DAB1: variants seen among roughly 807,000 people sequenced by gnomAD.
DAB1 encodes the protein DAB adaptor protein 1.
A neutral mutation model predicts 64.6 loss-of-function variants in DAB1; 15 were observed. The observed-to-expected ratio is 0.23, with a 90% CI of 0.16 to 0.36. The LOEUF is 0.36. Among genes scored for constraint, DAB1 ranks in the 10% least tolerant of loss-of-function variants. The probability of loss-of-function intolerance (pLI) is 1.00; values close to 1 mark genes in which losing one functional copy is unlikely to be tolerated. For synonymous variants in DAB1, 235 were observed against 251.9 expected (o/e 0.93, Z 0.64); for missense variants, 596 against 706.7 (o/e 0.84, Z 1.78).
At chr1:58,243,050 C>A (rs887979899) in intron 4 of DAB1, among the ~76,000 whole-genome samples, 2 of 152,226 alleles carry the variant, frequency 1.3e-5, no homozygotes, top group African/African-American at 4.8e-5. Context: ...TCAAATTCTA[C>A]AAATTGACAA....
At chr1:57,378,653 A>T (rs1224304524) in intron 1 of DAB1, among the ~76,000 whole-genome samples, 1 of 152,196 alleles carries the variant, frequency 6.6e-6, no homozygotes, top group Non-Finnish European at 1.5e-5. Context: ...TTGTTTTCAC[A>T]CTTGGATGAT....
chr1:57,332,047 T>G (rs1676716980), intron 1 of DAB1, among the ~76,000 whole-genome samples: 1 of 152,192 alleles, frequency 6.6e-6, no homozygotes, highest in African/African-American at 2.4e-5. Flanking sequence ...CACTACAACC[T>G]CTGCCTCCCA....
chr1:57,152,259 A>G (rs1659759687), intron 2 of DAB1, among the ~76,000 whole-genome samples: 3 of 152,234 alleles, frequency 2.0e-5, no homozygotes, highest in Admixed American at 1.3e-4. Context: ...ACACTTTCCT[A>G]CTTGGCTCAG....
intron 5 of DAB1, among the ~76,000 whole-genome samples, chr1:57,947,518 C>T (rs1375472318): frequency 2.0e-5 from 3 of 152,162 alleles, no homozygotes; most frequent in Admixed American, 6.5e-5. Flanking sequence ...CAGCACTTCC[C>T]TCAGAAGTCA....
intron 1 of DAB1, among the ~76,000 whole-genome samples, chr1:57,364,369 G>C (rs1006385988): frequency 2.0e-4 from 30 of 152,068 alleles, no homozygotes; most frequent in Non-Finnish European, 4.1e-4. Flanking sequence ...TCAGACATGT[G>C]GTCTAGTCAC....
rs143639231 is a variant in DAB1, at chr1:58,146,984, C to G, written n.387+3527G>C. On this transcript the variant is annotated intron_variant and non_coding_transcript_variant, in intron 5 of 20. Transcript: ENST00000485760. ...GACAAGGATGTAGAGAGACGGGAACCCTTGTATGCTGTTGGTGGGAATGTA... is the reference window on the plus strand; with the variant it reads ...GACAAGGATGTAGAGAGACGGGAACGCTTGTATGCTGTTGGTGGGAATGTA... Among the ~76,000 whole-genome samples, 45 of 152,102 alleles carry G rather than the reference C, an allele frequency of 3.0e-4. No homozygotes were observed. The East Asian group carries it at 8.5e-3, about 29-fold the overall frequency.
At chr1:57,076,528 C>T (rs1652007504) in intron 4 of DAB1, among the ~76,000 whole-genome samples, 1 of 152,198 alleles carries the variant, frequency 6.6e-6, no homozygotes, top group South Asian at 2.1e-4. Flanking sequence ...TCAATGTCCT[C>T]AATCCAATCT....
At chr1:58,370,950 A>G (rs1231375849) in intron 3 of DAB1, among the ~76,000 whole-genome samples, 1 of 152,196 alleles carries the variant, frequency 6.6e-6, no homozygotes, top group Non-Finnish European at 1.5e-5. Context: ...GTATTTCTTT[A>G]TAGCAGTGTG....
chr1:57,635,866 C>T (rs560215251), intron 7 of DAB1, among the ~76,000 whole-genome samples: 6 of 151,938 alleles, frequency 3.9e-5, no homozygotes, highest in South Asian at 2.1e-4. Flanking sequence ...GAGGCCAAGG[C>T]GGGCAGATCA....
At chr1:57,909,358 T>G (rs541434985) in intron 5 of DAB1, among the ~76,000 whole-genome samples, 1 of 152,306 alleles carries the variant, frequency 6.6e-6, no homozygotes, top group South Asian at 2.1e-4. Flanking sequence ...GGTGAAAAAC[T>G]TAGTGAAATA....
chr1:57,674,232 C>A (rs1646540328), intron 6 of DAB1, among the ~76,000 whole-genome samples: 1 of 152,152 alleles, frequency 6.6e-6, no homozygotes, highest in Non-Finnish European at 1.5e-5. Flanking sequence ...AACTCTTTCT[C>A]ATTACAAGTC....
intron 5 of DAB1, among the ~76,000 whole-genome samples, chr1:58,124,411 T>A (rs1652938801): frequency 6.6e-6 from 1 of 152,172 alleles, no homozygotes; most frequent in African/African-American, 2.4e-5. Flanking sequence ...CATTGGCGGC[T>A]ACCCTGGGCT....
intron 5 of DAB1, chr1:58,048,446 C>T (rs1647389259): frequency 1.9e-6 from 2 of 1,031,182 alleles, no homozygotes; most frequent in Non-Finnish European, 3.1e-6. Context: ...GCTGCCACTC[C>T]CGCCATAGCC....
chr1:57,461,412 T>C (rs1471414739), intron 7 of DAB1, among the ~76,000 whole-genome samples: 1 of 152,196 alleles, frequency 6.6e-6, no homozygotes, highest in African/African-American at 2.4e-5. Flanking sequence ...TATGTAGTTC[T>C]AGAAACTGAA....
intron 1 of DAB1, among the ~76,000 whole-genome samples, chr1:58,535,813 A>T (rs185205871): frequency 4.5e-4 from 68 of 152,260 alleles, no homozygotes; most frequent in Non-Finnish European, 8.4e-4. Context: ...AGACTTCTAA[A>T]TTATAACTTA....
intron 5 of DAB1, among the ~76,000 whole-genome samples, chr1:57,950,735 G>T (rs1186154135): frequency 6.6e-6 from 1 of 152,090 alleles, no homozygotes; most frequent in African/African-American, 2.4e-5. Context: ...ACCCAGCTCA[G>T]ACATTATGTC....
At chr1:58,291,487 A>C (rs1372306532) in intron 4 of DAB1, among the ~76,000 whole-genome samples, 2 of 152,204 alleles carry the variant, frequency 1.3e-5, no homozygotes, top group African/African-American at 2.4e-5. Flanking sequence ...CTCACAGGAA[A>C]GTCAGAAGTT....
At chr1:58,487,473 T>G (rs976033020) in intron 3 of DAB1, among the ~76,000 whole-genome samples, 18 of 152,344 alleles carry the variant, frequency 1.2e-4, no homozygotes, top group South Asian at 1.0e-3. Context: ...TCATTTATGC[T>G]TGTAAAATGA....
Position 58,490,753 on chromosome 1 carries a change from A to C in DAB1, n.257+15307T>G, listed in dbSNP as rs1645667051. 3.4e-5 allele frequency among the ~76,000 whole-genome samples: 5 copies of C among 149,082 alleles called. No individual in the cohort carries two copies. The South Asian group carries it at 8.5e-4, about 25-fold the overall frequency. On this transcript the variant is annotated intron_variant and non_coding_transcript_variant, in intron 3 of 20. Transcript: ENST00000485760. Reference sequence around the variant, plus strand: ...ACTAACAGCGGATCTCTCAGCAGAAACTCTACAAGCCAGAAGAGAGTGGGG... The same window carrying C: ...ACTAACAGCGGATCTCTCAGCAGAACCTCTACAAGCCAGAAGAGAGTGGGG...
Sources: allele counts gnomAD v4.1 joint callset (sites outside exome capture counted in the v4.1 genomes callset), GRCh38; gene constraint gnomAD v4.1.1; transcripts MANE v1.5; gene names NCBI Gene and HGNC (gene_info 2026-07-23, HGNC 2026-07-21).